Variants in FRAS1 observed in about 807,000 individuals in gnomAD.
FRAS1 encodes Fraser extracellular matrix complex subunit 1, also known as extracellular matrix organizing protein FRAS1.
A neutral mutation model predicts 435.2 loss-of-function variants in FRAS1; 290 were observed. That is an observed-to-expected ratio of 0.67 (90% CI 0.61 to 0.73). FRAS1 has a LOEUF of 0.73. Ranked by LOEUF, FRAS1 falls within the 30% of genes least tolerant of loss-of-function variation. FRAS1 has a pLI of 0.00. For missense variants in FRAS1, 4,860 were observed against 5,001.5 expected (o/e 0.97, Z 0.85); for synonymous variants, 1,800 against 1,851.0 (o/e 0.97, Z 0.71).
At chr4:78,288,433 G>A (rs1053441565) in intron 14 of FRAS1, among the ~76,000 whole-genome samples, 4 of 152,122 alleles carry the variant, frequency 2.6e-5, no homozygotes, top group Admixed American at 6.5e-5. Context: ...CTGGGGGGAG[G>A]GCATTTTCCT....
At chr4:78,260,928 C>A (rs182987537) in intron 6 of FRAS1, among the ~76,000 whole-genome samples, 26 of 152,232 alleles carry the variant, frequency 1.7e-4, no homozygotes, top group African/African-American at 6.0e-4. Context: ...TATTATGGAG[C>A]TCTTTTAGAC....
chr4:78,114,359 C>G (rs1742981393), intron 2 of FRAS1, among the ~76,000 whole-genome samples: 2 of 152,188 alleles, frequency 1.3e-5, no homozygotes. Context: ...TTTTCCAATT[C>G]TGTGAAGAAA....
chr4:78,442,096 G>A (rs1227604741), intron 41 of FRAS1, among the ~76,000 whole-genome samples: 1 of 152,254 alleles, frequency 6.6e-6, no homozygotes, highest in East Asian at 1.9e-4. Context: ...GGTGTCTGGG[G>A]CCAGCATGGG....
At chr4:78,357,716 A>G (rs1188833625) in intron 20 of FRAS1, among the ~76,000 whole-genome samples, 1 of 152,154 alleles carries the variant, frequency 6.6e-6, no homozygotes, top group African/African-American at 2.4e-5. Flanking sequence ...AGCCTGGGCA[A>G]TATAGTGAGA....
chr4:78,120,033 C>T (rs1718921290), intron 2 of FRAS1, among the ~76,000 whole-genome samples: 1 of 152,058 alleles, frequency 6.6e-6, no homozygotes, highest in South Asian at 2.1e-4. Context: ...GCTCCTTGTT[C>T]TTTTGTCTTA....
chr4:78,445,605 T>C lies in FRAS1; in HGVS notation c.5749T>C (p.Phe1917Leu), dbSNP rs1445103485. The C allele has an allele frequency of 1.2e-6, 2 of 1,613,878 alleles. No individual in the cohort carries two copies. Among genetic ancestry groups the C allele is most frequent in the Admixed American group, 3.3e-5 (2 of 60,026 alleles). The stretch of plus-strand genomic sequence containing the variant: ...CGTCCTGGAAAACTACATTTACTAC[T>C]TTCAGAGTGTTCATGAAAGCATTGA... ...QDVLENYIYY[F>L]QSVHESIEPT... The change falls in exon 42 of 74, where the codon TTT (phenylalanine) becomes CTT (leucine). Residue 1917 changes from phenylalanine (F) to leucine (L), a missense_variant. Phe to Leu is a conservative substitution (Grantham distance 22). Coordinates refer to ENST00000512123, the MANE Select transcript of FRAS1 (RefSeq NM_025074.7).
At chr4:78,299,671 C>G (rs1308598584) in intron 14 of FRAS1, among the ~76,000 whole-genome samples, 2 of 152,164 alleles carry the variant, frequency 1.3e-5, no homozygotes, top group African/African-American at 4.8e-5. Context: ...CCAGAATGAA[C>G]TCTCTAAAAA....
chr4:78,419,598 C>T (rs1328488176), intron 33 of FRAS1, among the ~76,000 whole-genome samples: 1 of 152,210 alleles, frequency 6.6e-6, no homozygotes, highest in Non-Finnish European at 1.5e-5. Flanking sequence ...TGCCATCAGT[C>T]ACCAGCCTTT....
Position 78,313,001 on chromosome 4 carries a change from C to T in FRAS1, c.1679-2593C>T, listed in dbSNP as rs1578246178. Among the ~76,000 whole-genome samples, 4 of 152,226 alleles carry T rather than the reference C, an allele frequency of 2.6e-5. No homozygotes were observed. In the South Asian group the frequency reaches 8.3e-4, roughly 32 times the overall value. ...TAATTTTATTTAGATTTACAAATTT[C>T]CCTCTGGGTGTAACTTTAGGTGTGT... On this transcript the variant is annotated intron_variant, in intron 15 of 73. Coordinates refer to ENST00000512123, the MANE Select transcript of FRAS1 (RefSeq NM_025074.7).
At chr4:78,442,225 C>A (rs1194295936) in intron 41 of FRAS1, among the ~76,000 whole-genome samples, 1 of 152,204 alleles carries the variant, frequency 6.6e-6, no homozygotes, top group Non-Finnish European at 1.5e-5. Flanking sequence ...CTGTTTATTG[C>A]AGAATTAGGT....
At position 78,489,035 on chromosome 4, in the gene FRAS1, A is replaced by T; in HGVS notation, c.8913A>T (p.Arg2971Ser). The T allele has an allele frequency of 6.2e-7, 1 of 1,613,658 alleles. No individual in the cohort carries two copies. Among genetic ancestry groups the T allele is most frequent in the Non-Finnish European group, 8.5e-7 (1 of 1,179,726 alleles). ...SAQVMEDFEE[R>S]QNADSSRITF... is the part of the protein sequence containing the mutation. ...AGGTCATGGAGGACTTTGAGGAGAG[A>T]CAAAATGCAGACTCTTCACGGATTA... Residue 2971 changes from arginine to serine, a missense_variant, in exon 59 of 74, where the codon AGA becomes AGT. Arg to Ser is a moderately radical substitution (Grantham distance 110). Transcript: ENST00000512123.
Position 78,475,609 on chromosome 4 carries a change from A to G in FRAS1, c.7851+3A>G. On this transcript the variant is annotated splice_donor_region_variant and intron_variant, in intron 54 of 73. Transcript: ENST00000512123. ...ACTATGTAGAGTATGCTGGCCAGGT[A>G]GGTGGGGTAGTGGGGTTGGGGGAGG... is the stretch of plus-strand genomic sequence containing the variant. The G allele has an allele frequency of 6.4e-7, 1 of 1,554,348 alleles. No homozygotes were observed. The highest frequency in any genetic ancestry group is 8.8e-7 in the Non-Finnish European group (1 of 1,142,620).
chr4:78,299,265 C>G (rs546693936), intron 14 of FRAS1, among the ~76,000 whole-genome samples: 1 of 152,028 alleles, frequency 6.6e-6, no homozygotes, highest in East Asian at 1.9e-4. Context: ...CTAAGTCTGT[C>G]GATTGAGGCC....
chr4:78,075,465 G>A (rs888637838), intron 2 of FRAS1, among the ~76,000 whole-genome samples: 1 of 152,144 alleles, frequency 6.6e-6, no homozygotes, highest in Non-Finnish European at 1.5e-5. Flanking sequence ...ACCGCAGCCA[G>A]CAGCAGTCGA....
rs553309681 is a variant in FRAS1, at chr4:78,494,991, C to A, written c.8959-1814C>A. On this transcript the variant is annotated intron_variant, in intron 59 of 73. Transcript: ENST00000512123. Reference sequence around the variant, plus strand: ...GGTTGCTATAACCCTATATTCTCTTCAAAACGAGCATTATTCATCTTTTGA... The same window carrying A: ...GGTTGCTATAACCCTATATTCTCTTAAAAACGAGCATTATTCATCTTTTGA... Among the ~76,000 whole-genome samples the A allele has an allele frequency of 4.6e-5, 7 of 152,264 alleles. No individual in the cohort carries two copies. In the South Asian group the frequency reaches 8.3e-4, roughly 18 times the overall value.
chr4:78,276,882 C>T (rs1466629065), intron 9 of FRAS1, among the ~76,000 whole-genome samples: 26 of 152,314 alleles, frequency 1.7e-4, no homozygotes, highest in Admixed American at 1.6e-3. Flanking sequence ...GTTTCTGCTG[C>T]CTTTTGTTTG....
At position 78,505,915 on chromosome 4, in the gene FRAS1, G is replaced by A. The variant is rs527513913; in HGVS notation, c.9317-1506G>A. 5.3e-5 allele frequency among the ~76,000 whole-genome samples: 8 copies of A among 152,278 alleles called. No individual in the cohort carries two copies. The East Asian group carries it at 1.5e-3, about 29-fold the overall frequency. ...TTGGTGACCTACAGATGGGGTTTTG[G>A]TGTGAATGTCCTTTTTGTTGATGTT... On this transcript the variant is annotated intron_variant, in intron 61 of 73. Transcript: ENST00000512123.
chr4:78,238,029 C>T (rs775804983), intron 3 of FRAS1, among the ~76,000 whole-genome samples: 1 of 152,106 alleles, frequency 6.6e-6, no homozygotes, highest in Non-Finnish European at 1.5e-5. Context: ...CTGACTGATG[C>T]CAAAGCTACT....
intron 1 of FRAS1, among the ~76,000 whole-genome samples, chr4:78,063,225 C>T (rs1359733415): frequency 9.9e-5 from 15 of 152,190 alleles, no homozygotes. Flanking sequence ...AGAAGCTACA[C>T]CCAGTACCCA....
Sources: gnomAD v4.1 joint callset for allele counts (sites outside exome capture counted in the v4.1 genomes callset) on GRCh38, gnomAD v4.1.1 for gene constraint, MANE v1.5 for transcripts, NCBI Gene and HGNC (gene_info 2026-07-23, HGNC 2026-07-21) for gene names.